The following CERS5 variants were observed in gnomAD, a reference collection of about 807,000 sequenced individuals.
The protein encoded by CERS5 is ceramide synthase 5, also known as LAG1 homolog, ceramide synthase 5.
A neutral mutation model predicts 58.9 loss-of-function variants in CERS5; 37 were observed. The ratio of observed to expected loss-of-function variants is 0.63; its 90% CI spans 0.48 to 0.83. CERS5 has a LOEUF of 0.83. Ranked by LOEUF, CERS5 falls within the 40% of genes least tolerant of loss-of-function variation. The pLI is 0.00. For synonymous variants in CERS5, 147 were observed against 177.8 expected (o/e 0.83, Z 1.38); for missense variants, 398 against 489.3 (o/e 0.81, Z 1.76).
chr12:50,156,445 T>TATATATATATATATATATATATATATA (rs1938662188), intron 1 of CERS5, among the ~76,000 whole-genome samples: 1 of 135,022 alleles, frequency 7.4e-6, no homozygotes, highest in Non-Finnish European at 1.6e-5. Context: ...TATAAAACAA[T>TATATATATATATATATATATATATATA]TAGTAGCCAG....
chr12:50,143,247 C>A (rs1952076276), intron 2 of CERS5, 43 bp from the exon 3 acceptor site: 8 of 1,608,878 alleles, frequency 5.0e-6, no homozygotes, highest in Non-Finnish European at 6.8e-6. Context: ...TCTCCTCATA[C>A]CCCTCCTTCA....
chr12:50,141,402 A>G (rs1257000607), intron 4 of CERS5, among the ~76,000 whole-genome samples: 1 of 152,094 alleles, frequency 6.6e-6, no homozygotes, highest in Non-Finnish European at 1.5e-5. Context: ...TAGGAATAAT[A>G]CCTGTTTCAC....
intron 9 of CERS5, among the ~76,000 whole-genome samples, chr12:50,132,416 TA>T (rs940837416): frequency 2.4e-5 from 3 of 125,710 alleles, no homozygotes; most frequent in African/African-American, 6.6e-5. Context: ...AATAAATAAA[TA>T]AAAATTAAAA....
chr12:50,160,674 T>G (rs1939185590), intron 1 of CERS5, among the ~76,000 whole-genome samples: 1 of 152,228 alleles, frequency 6.6e-6, no homozygotes, highest in Non-Finnish European at 1.5e-5. Flanking sequence ...TCCTACTTGA[T>G]CCCAGGGAAA....
intron 1 of CERS5, among the ~76,000 whole-genome samples, chr12:50,151,041 C>T (rs977131948): frequency 6.6e-6 from 1 of 151,930 alleles, no homozygotes; most frequent in African/African-American, 2.4e-5. Flanking sequence ...TTATCTTCAG[C>T]CTCACTCTCA....
chr12:50,134,287 G>A, intron 9 of CERS5: 1 of 675,330 alleles, frequency 1.5e-6, no homozygotes, highest in Non-Finnish European at 2.0e-6. Context: ...GCTGCAGTGG[G>A]AGAATCCAAG....
At chr12:50,131,669 C>T (rs1387195761) in intron 9 of CERS5, among the ~76,000 whole-genome samples, 1 of 151,546 alleles carries the variant, frequency 6.6e-6, no homozygotes, top group African/African-American at 2.4e-5. Flanking sequence ...AATCCCAGTT[C>T]TAATCATGCT....
At chr12:50,162,731 G>A (rs530670095) in intron 1 of CERS5, among the ~76,000 whole-genome samples, 1 of 152,072 alleles carries the variant, frequency 6.6e-6, no homozygotes, top group Non-Finnish European at 1.5e-5. Flanking sequence ...AGCCTCCCAA[G>A]TAGCTGGGAT....
Position 50,156,228 on chromosome 12 carries a change from C to T in CERS5, c.197+10873G>A, listed in dbSNP as rs547959783. Reference sequence around the variant, plus strand: ...CATCCTGACTAACACGGTAAAACCCCGTCTCTACTAAAAATACAAAAAAAA... The same window carrying T: ...CATCCTGACTAACACGGTAAAACCCTGTCTCTACTAAAAATACAAAAAAAA... On this transcript the variant is annotated intron_variant, in intron 1 of 9. Coordinates refer to ENST00000317551, the MANE Select transcript of CERS5 (RefSeq NM_147190.5). 3.3e-5 allele frequency among the ~76,000 whole-genome samples: 5 copies of T among 150,376 alleles called. No individual in the cohort carries two copies. In the East Asian group the frequency reaches 7.8e-4, roughly 23 times the overall value.
Position 50,167,084 on chromosome 12 carries a change from C to T in CERS5, c.197+17G>A, listed in dbSNP as rs1222245828. ...GCCCGCGCCCGGCCCCCGAGCCGCT[C>T]GCTCCCGGGCTCTCACCGCTCGAAG... On this transcript the variant is annotated intron_variant, in intron 1 of 9. Coordinates refer to ENST00000317551, the MANE Select transcript of CERS5 (RefSeq NM_147190.5). The T allele has an allele frequency of 7.3e-6, 11 of 1,507,688 alleles. No individual in the cohort carries two copies. In the Admixed American group the frequency reaches 1.8e-4, roughly 25 times the overall value. The allele number at this position is 1,507,688 out of a possible 1,614,324, so 93.4% of individuals were successfully genotyped here. A position where few individuals can be genotyped will look rare whatever the true frequency, so the allele number is the denominator to read the frequency against.
intron 9 of CERS5, 143 bp downstream of exon 9, chr12:50,134,403 A>C (rs1374316950): frequency 6.3e-7 from 1 of 1,591,232 alleles, no homozygotes; most frequent in Non-Finnish European, 8.5e-7. Flanking sequence ...CACTTACCGA[A>C]GAGGCGAAGA....
intron 1 of CERS5, among the ~76,000 whole-genome samples, chr12:50,148,915 A>ATATATATAT (rs1288478655): frequency 1.7e-5 from 1 of 57,662 alleles, no homozygotes; most frequent in South Asian, 7.4e-4. Flanking sequence ...AAAAAAAAAA[A>ATATATATAT]AAAAAAAAAA....
rs1952270855 is a variant in CERS5, at chr12:50,146,445, C to G, written c.198-2388G>C. Among the ~76,000 whole-genome samples the G allele has an allele frequency of 2.0e-5, 3 of 152,312 alleles. No individual in the cohort carries two copies. The South Asian group carries it at 6.2e-4, about 32-fold the overall frequency. ...ATTTTAAAATTACTATTATCTGGAT[C>G]ATGGAGTGGACTTAACAATCTAGAA... On this transcript the variant is annotated intron_variant, in intron 1 of 9. Transcript: ENST00000317551.
At chr12:50,138,398 TG>T (rs375219019) in intron 5 of CERS5, among the ~76,000 whole-genome samples, 168 bp downstream of exon 5, 16 of 126,272 alleles carry the variant, frequency 1.3e-4, no homozygotes, top group Admixed American at 1.7e-4. Flanking sequence ...CTCTTAGCAG[TG>T]GGGGGGAAAA....
chr12:50,158,565 G>A (rs1938919021), intron 1 of CERS5, among the ~76,000 whole-genome samples: 1 of 152,140 alleles, frequency 6.6e-6, no homozygotes, highest in South Asian at 2.1e-4. Context: ...ATGGAAGTGT[G>A]CCACTTGTAA....
intron 1 of CERS5, chr12:50,165,450 A>G (rs973265813): frequency 6.6e-6 from 1 of 152,132 alleles, no homozygotes; most frequent in African/African-American, 2.4e-5. Context: ...AGAAAAAAAA[A>G]AAAACCTTGC....
At chr12:50,165,956 T>C in intron 1 of CERS5, 1 of 454,772 alleles carries the variant, frequency 2.2e-6, no homozygotes, top group Non-Finnish European at 4.4e-6. Context: ...TGGACAAACA[T>C]ATGATCCATT....
At chr12:50,137,845 G>C in intron 5 of CERS5, 25 bp from the exon 6 acceptor site, 2 of 1,474,270 alleles carry the variant, frequency 1.4e-6, no homozygotes, top group Non-Finnish European at 1.9e-6. Flanking sequence ...GAAGTAGTTA[G>C]ATTACCGGCT....
At chr12:50,149,927 G>T (rs1937759907) in intron 1 of CERS5, among the ~76,000 whole-genome samples, 2 of 152,052 alleles carry the variant, frequency 1.3e-5, no homozygotes, top group Admixed American at 6.6e-5. Flanking sequence ...ATTTTTAGTA[G>T]AGACGGGGTT....
Sources: allele counts gnomAD v4.1 joint callset (sites outside exome capture counted in the v4.1 genomes callset), GRCh38; gene constraint gnomAD v4.1.1; transcripts MANE v1.5; gene names NCBI Gene and HGNC (gene_info 2026-07-23, HGNC 2026-07-21).